LINGO2: variants seen among roughly 807,000 people sequenced by gnomAD.
LINGO2 encodes leucine-rich repeat and immunoglobulin-like domain-containing nogo receptor-interacting protein 2.
Under a neutral mutation model 30.6 loss-of-function variants are expected in LINGO2, and 14 were observed. The ratio of observed to expected loss-of-function variants is 0.46; its 90% confidence interval spans 0.30 to 0.72. The LOEUF is 0.72. Among genes scored for constraint, LINGO2 ranks in the 30% least tolerant of loss-of-function variants. The pLI, the probability that LINGO2 is intolerant of heterozygous loss-of-function variation, is 0.07. For missense variants in LINGO2, 729 were observed against 751.7 expected (o/e 0.97, Z 0.35); for synonymous variants, 317 against 288.5 (o/e 1.10, Z -1.00).
At chr9:28,622,167 T>C (rs575492889) in intron 1 of LINGO2, among the ~76,000 whole-genome samples, 5 of 151,902 alleles carry the variant, frequency 3.3e-5, no homozygotes, top group African/African-American at 9.7e-5. Flanking sequence ...GTTATATTAT[T>C]TTAGTTATTT....
intron 4 of LINGO2, among the ~76,000 whole-genome samples, chr9:28,229,917 A>T (rs759965216): frequency 1.3e-5 from 2 of 151,856 alleles, no homozygotes; most frequent in Non-Finnish European, 3.0e-5. Flanking sequence ...ATTTCATCTC[A>T]AAAAAGAACA....
chr9:28,149,007 A>G (rs1827901490), intron 4 of LINGO2: 19 of 1,534,212 alleles, frequency 1.2e-5, no homozygotes, highest in Non-Finnish European at 1.7e-5. Flanking sequence ...CCTCCCCTGC[A>G]ACTGAGGTGG....
intron 5 of LINGO2, among the ~76,000 whole-genome samples, chr9:27,976,422 T>C (rs1347381985): frequency 2.6e-5 from 4 of 152,082 alleles, no homozygotes; most frequent in African/African-American, 7.2e-5. Flanking sequence ...CTCCATATTA[T>C]AGTTTTTTGA....
chr9:27,945,480 C>A (rs1002839347), downstream of LINGO2, among the ~76,000 whole-genome samples: 8 of 152,030 alleles, frequency 5.3e-5, no homozygotes, highest in Non-Finnish European at 1.2e-4. Context: ...CAGTAACAAG[C>A]AAAATTTCTG....
chr9:28,057,732 C>G (rs564488264), intron 4 of LINGO2, among the ~76,000 whole-genome samples: 1 of 151,928 alleles, frequency 6.6e-6, no homozygotes, highest in South Asian at 2.1e-4. Flanking sequence ...TTAACACCAG[C>G]TTTTCCACTG....
chr9:28,516,647 T>C (rs1306976987), intron 1 of LINGO2, among the ~76,000 whole-genome samples: 2 of 152,190 alleles, frequency 1.3e-5, no homozygotes, highest in African/African-American at 2.4e-5. Flanking sequence ...AAAACCAAGG[T>C]GTAAAAACCA....
chr9:28,747,448 C>A, the LINGO2 span, among the ~76,000 whole-genome samples: 1 of 152,014 alleles, frequency 6.6e-6, no homozygotes, highest in Non-Finnish European at 1.5e-5. Flanking sequence ...GACCTGGGTA[C>A]CAAGAGAGCA....
chr9:28,202,166 G>A (rs1266920960), intron 4 of LINGO2, among the ~76,000 whole-genome samples: 1 of 152,084 alleles, frequency 6.6e-6, no homozygotes, highest in East Asian at 1.9e-4. Context: ...ACTCCAGTAT[G>A]ACTTTATTTT....
the LINGO2 span, among the ~76,000 whole-genome samples, chr9:29,074,517 A>G: frequency 1.3e-5 from 2 of 152,068 alleles, no homozygotes. Context: ...CTTCTCATCA[A>G]TAGTCCAGCT....
At chr9:29,178,383 C>A in the LINGO2 span, among the ~76,000 whole-genome samples, 1 of 151,980 alleles carries the variant, frequency 6.6e-6, no homozygotes, top group Non-Finnish European at 1.5e-5. Flanking sequence ...ATTGCTCTGG[C>A]CTTGAATTTA....
chr9:28,091,631 T>C (rs1303063050), intron 4 of LINGO2, among the ~76,000 whole-genome samples: 3 of 152,148 alleles, frequency 2.0e-5, no homozygotes, highest in Non-Finnish European at 4.4e-5. Context: ...ATTCAGGACA[T>C]AGACATGGGC....
At chr9:28,472,459 G>T (rs969533776) in intron 2 of LINGO2, among the ~76,000 whole-genome samples, 1 of 151,532 alleles carries the variant, frequency 6.6e-6, no homozygotes, top group Admixed American at 6.6e-5. Flanking sequence ...AGAAGCATGA[G>T]AAATTAAAAA....
chr9:28,471,337 C>A (rs1825510867), intron 2 of LINGO2, among the ~76,000 whole-genome samples: 1 of 152,116 alleles, frequency 6.6e-6, no homozygotes, highest in South Asian at 2.1e-4. Context: ...GTAAAAGAGA[C>A]CAAACACGAG....
chr9:28,350,699 T>G (rs1427821210), intron 3 of LINGO2, among the ~76,000 whole-genome samples: 3 of 151,632 alleles, frequency 2.0e-5, no homozygotes, highest in African/African-American at 7.3e-5. Context: ...AATATACATT[T>G]TTTTCAGCAC....
At chr9:28,377,088 TATTAA>T (rs1821159439) in intron 2 of LINGO2, among the ~76,000 whole-genome samples, 1 of 151,238 alleles carries the variant, frequency 6.6e-6, no homozygotes, top group Non-Finnish European at 1.5e-5. Flanking sequence ...TATAATATTA[TATTAA>T]AATACAGTTG....
chr9:28,072,319 G>A (rs972082109), intron 4 of LINGO2, among the ~76,000 whole-genome samples: 1 of 152,156 alleles, frequency 6.6e-6, no homozygotes, highest in African/African-American at 2.4e-5. Context: ...ACCTTCTTTA[G>A]GGGTGTTCCC....
At chr9:28,947,501 A>C in the LINGO2 span, among the ~76,000 whole-genome samples, 1 of 152,074 alleles carries the variant, frequency 6.6e-6, no homozygotes, top group Non-Finnish European at 1.5e-5. Flanking sequence ...TAAATAATGT[A>C]CATACACATA....
chr9:28,574,776 A>G (rs759706645), intron 1 of LINGO2, among the ~76,000 whole-genome samples: 3 of 152,200 alleles, frequency 2.0e-5, no homozygotes, highest in Non-Finnish European at 2.9e-5. Context: ...CAAAACATCC[A>G]AATTCAAATC....
At chr9:28,054,025 G>C (rs529729714) in intron 4 of LINGO2, among the ~76,000 whole-genome samples, 4 of 151,902 alleles carry the variant, frequency 2.6e-5, no homozygotes, top group Admixed American at 1.3e-4. Context: ...ATGCAATTCT[G>C]CATCTACAGA....
Sources: gnomAD v4.1 joint callset for allele counts (sites outside exome capture counted in the v4.1 genomes callset) on GRCh38, gnomAD v4.1.1 for gene constraint, MANE v1.5 for transcripts, NCBI Gene and HGNC (gene_info 2026-07-23, HGNC 2026-07-21) for gene names.